Variants in NET1 observed in about 807,000 individuals in gnomAD.
NET1 encodes the protein neuroepithelial cell transforming 1.
NET1 carries 42 observed loss-of-function variants against 61.1 expected under a neutral mutation model. The ratio of observed to expected loss-of-function variants is 0.69; its 90% CI spans 0.54 to 0.89. NET1 has a LOEUF of 0.89. Among genes scored for constraint, NET1 ranks in the 40% least tolerant of loss-of-function variants. The pLI, the probability that NET1 is intolerant of heterozygous loss-of-function variation, is 0.00. For synonymous variants in NET1, 254 were observed against 281.8 expected (o/e 0.90, Z 0.99); for missense variants, 654 against 747.3 (o/e 0.88, Z 1.46).
chr10:5,430,650 C>G (rs557349516), intron 3 of NET1, among the ~76,000 whole-genome samples: 1 of 151,978 alleles, frequency 6.6e-6, no homozygotes, highest in Non-Finnish European at 1.5e-5. Flanking sequence ...GTCACCATGC[C>G]GGACCTTAGA....
At position 5,437,519 on chromosome 10, in the gene NET1, T is replaced by A. The variant is rs1832455903; in HGVS notation, c.255+8290T>A. ...AGGAGGGACCATGTTTGTGTCTCTA[T>A]TATAGATGTTTAGAAGTGGGTTGCA... On this transcript the variant is annotated intron_variant, in intron 3 of 11. Coordinates refer to ENST00000355029, the MANE Select transcript of NET1 (RefSeq NM_001047160.3). This position sits in a 1 kb window ranked among gnomAD's most constrained non-coding sequence, Gnocchi z 4.3. 1.3e-5 allele frequency among the ~76,000 whole-genome samples: 2 copies of A among 152,216 alleles called. No homozygotes were observed. Among genetic ancestry groups the A allele is most frequent in the Admixed American group, 6.5e-5 (1 of 15,270 alleles).
At chr10:5,432,227 A>T (rs1027914260) in intron 3 of NET1, among the ~76,000 whole-genome samples, 1 of 152,242 alleles carries the variant, frequency 6.6e-6, no homozygotes, top group African/African-American at 2.4e-5. Flanking sequence ...ATATAATTTT[A>T]GAAAAACAAA....
At chr10:5,433,967 C>G (rs994881991) in intron 3 of NET1, among the ~76,000 whole-genome samples, 2 of 151,904 alleles carry the variant, frequency 1.3e-5, no homozygotes, top group African/African-American at 4.8e-5. Context: ...CATTTCAATT[C>G]CTTCTCCAGT....
At chr10:5,429,866 T>C (rs1192339637) in intron 3 of NET1, among the ~76,000 whole-genome samples, 1 of 149,660 alleles carries the variant, frequency 6.7e-6, no homozygotes, top group Non-Finnish European at 1.5e-5. Context: ...ATCTTGGTTT[T>C]GGAGAGTCTT....
intron 3 of NET1, 118 bp downstream of exon 3, chr10:5,429,347 A>G: frequency 1.4e-6 from 1 of 717,976 alleles, no homozygotes; most frequent in Non-Finnish European, 2.3e-6. Context: ...TGTTTTTTGC[A>G]TTTTGTAAGT....
In NET1 at chr10:5,452,269, C is replaced by T; in HGVS notation, c.364-89C>T. 8.4e-7 allele frequency: 1 copy of T among 1,184,186 alleles called. No homozygotes were observed. The highest frequency in any genetic ancestry group is 1.6e-5 in the African/African-American group (1 of 64,506). 73.4% of individuals were successfully genotyped at this position (1,184,186 alleles called of 1,614,324 possible). ...CATTGAGAAATTCTCAGAACTTTGT[C>T]TTTCTTCACTTTAAAAAAAAAGAAA... On this transcript the variant is annotated intron_variant, in intron 4 of 11. Transcript: ENST00000355029. The surrounding 1 kb of genome is among the most constrained non-coding windows in gnomAD (Gnocchi z 4.0).
chr10:5,455,085 G>A lies in NET1; in HGVS notation c.1164G>A (p.Leu388=), dbSNP rs2082556949. ...GAATCGAAGCGAGCAAAGTGCTGCTGTGCCATGGGGAGCTGCGGAGCAAGA... is the reference window on the plus strand; with the variant it reads ...GAATCGAAGCGAGCAAAGTGCTGCTATGCCATGGGGAGCTGCGGAGCAAGA... ...DPRIEASKVL[L]CHGELRSKSG... is the part of the protein sequence containing the mutation. The change falls in exon 10 of 12, where the codon CTG becomes CTA. Residue 388 remains leucine (L), a synonymous_variant. Coordinates refer to ENST00000355029, the MANE Select transcript of NET1 (RefSeq NM_001047160.3). The surrounding 1 kb of genome is among the most constrained non-coding windows in gnomAD (Gnocchi z 6.5). 6.2e-7 allele frequency: 1 copy of A among 1,613,862 alleles called. No homozygotes were observed. Among genetic ancestry groups the A allele is most frequent in the Non-Finnish European group, 8.5e-7 (1 of 1,180,030 alleles).
rs1037617231 is a variant in NET1 at position 5,458,418 on chromosome 10, G to A, written c.*1424G>A. The A allele has an allele frequency of 2.0e-5, 3 of 151,600 alleles. No homozygotes were observed. The highest frequency in any genetic ancestry group is 4.4e-5 in the Non-Finnish European group (3 of 67,914). The allele number at this position is 151,600 out of a possible 1,614,324, so 9.4% of individuals were successfully genotyped here. A position where few individuals can be genotyped will look rare whatever the true frequency, so the allele number is the denominator to read the frequency against. On this transcript the variant is annotated 3_prime_UTR_variant, in exon 12 of 12. Transcript: ENST00000355029. The surrounding 1 kb of genome is among the most constrained non-coding windows in gnomAD (Gnocchi z 4.5). ...ATAGATCCATCCAAATGATTTCTCT[G>A]TACAAATGAATGATACTATTAAAAA...
chr10:5,434,902 C>T (rs1437336769), intron 3 of NET1, among the ~76,000 whole-genome samples: 1 of 152,116 alleles, frequency 6.6e-6, no homozygotes, highest in East Asian at 1.9e-4. Flanking sequence ...TTAATATCCT[C>T]ATCTGCATCT....
chr10:5,446,444 C>A lies in NET1; in HGVS notation c.256-5386C>A. The A allele has an allele frequency of 2.5e-6, 1 of 400,810 alleles. No homozygotes were observed. The highest frequency in any genetic ancestry group is 3.4e-6 in the Non-Finnish European group (1 of 295,238). The allele number at this position is 400,810 out of a possible 1,614,324, so 24.8% of individuals were successfully genotyped here. A position where few individuals can be genotyped will look rare whatever the true frequency, so the allele number is the denominator to read the frequency against. On this transcript the variant is annotated intron_variant, in intron 3 of 11. Coordinates refer to ENST00000355029, the MANE Select transcript of NET1 (RefSeq NM_001047160.3). This position sits in a 1 kb window ranked among gnomAD's most constrained non-coding sequence, Gnocchi z 5.0. ...ATCAGGAAGAGAAGTTTCTGTCCTACTTGAACCCAGCTTCACTCTCCTCCT... is the reference window on the plus strand; with the variant it reads ...ATCAGGAAGAGAAGTTTCTGTCCTAATTGAACCCAGCTTCACTCTCCTCCT...
In NET1 at chr10:5,416,960, G is replaced by A. The variant is rs1457108002; in HGVS notation, c.128+4140G>A. Among the ~76,000 whole-genome samples the A allele has an allele frequency of 1.3e-5, 2 of 152,200 alleles. No homozygotes were observed. The highest frequency in any genetic ancestry group is 4.8e-5 in the African/African-American group (2 of 41,458). On this transcript the variant is annotated intron_variant, in intron 1 of 11. Transcript: ENST00000355029. The surrounding 1 kb of genome is among the most constrained non-coding windows in gnomAD (Gnocchi z 6.1). ...GACAGGGGGCCTTCTGTATCCCAGG[G>A]TTCTTGCCTTGATGTACTGGAACAA... is the stretch of plus-strand genomic sequence containing the variant.
Position 5,442,744 on chromosome 10 carries a change from A to T in NET1, c.256-9086A>T, listed in dbSNP as rs542515183. 5.1e-4 allele frequency among the ~76,000 whole-genome samples: 77 copies of T among 152,192 alleles called. 1 individual carries two copies. The highest frequency in any genetic ancestry group is 2.2e-4 in the Non-Finnish European group (15 of 67,998). On this transcript the variant is annotated intron_variant, in intron 3 of 11. Coordinates refer to ENST00000355029, the MANE Select transcript of NET1 (RefSeq NM_001047160.3). ...ACCCCATCTCTACTAACATTACAAA[A>T]ATTAGCCAGGCGTGATGGCACACTC...
chr10:5,435,558 TAGATA>T lies in NET1; in HGVS notation c.255+6331_255+6335del, dbSNP rs1832417739. Among the ~76,000 whole-genome samples the T allele has an allele frequency of 7.5e-6, 1 of 133,056 alleles. No individual in the cohort carries two copies. The highest frequency in any genetic ancestry group is 2.7e-5 in the African/African-American group (1 of 37,152). The allele number at this position is 133,056 out of a possible 152,430, so 87.3% of individuals were successfully genotyped here. ...ACAGACAGACAGATAGATAGATAGA[TAGATA>T]AAATAGATACTCCGTAAATATTGAA... On this transcript the variant is annotated intron_variant, in intron 3 of 11. Transcript: ENST00000355029. The surrounding 1 kb of genome is among the most constrained non-coding windows in gnomAD (Gnocchi z 5.0).
rs754654538 is a variant in NET1 at position 5,412,794 on chromosome 10, C to G, written c.102C>G (p.Asp34Glu). The stretch of plus-strand genomic sequence containing the variant: ...AGGGAGCGACGGGGCCTTCGGCCGA[C>G]ACCTCCGGGTCGGAGCTGGACGGGA... ...STEGATGPSA[D>E]TSGSELDGRC... The change falls in exon 1 of 12, where the codon GAC becomes GAG. Residue 34 changes from aspartate (D) to glutamate (E), a missense_variant. By Grantham distance (45) the Asp-to-Glu change is conservative (BLOSUM62 2). Transcript: ENST00000355029. This position sits in a 1 kb window ranked among gnomAD's most constrained non-coding sequence, Gnocchi z 6.5. The G allele has an allele frequency of 6.9e-7, 1 of 1,451,268 alleles. No individual in the cohort carries two copies. Among genetic ancestry groups the G allele is most frequent in the Non-Finnish European group, 9.0e-7 (1 of 1,105,984 alleles). The allele number at this position is 1,451,268 out of a possible 1,614,324, so 89.9% of individuals were successfully genotyped here.
chr10:5,451,510 T>TA lies in NET1; in HGVS notation c.256-320_256-319insA, dbSNP rs377095022. On this transcript the variant is annotated intron_variant, in intron 3 of 11. Transcript: ENST00000355029. The surrounding 1 kb of genome is among the most constrained non-coding windows in gnomAD (Gnocchi z 6.1). ...ATTTTCATAACAATAAGGCTTTTTTTTAAAAAAAAAAAAAGTTATTCCCTG... is the reference window on the plus strand; with the variant it reads ...ATTTTCATAACAATAAGGCTTTTTTTATAAAAAAAAAAAAAGTTATTCCCTG... Among the ~76,000 whole-genome samples, 269 of 135,118 alleles carry TA rather than the reference T, an allele frequency of 2.0e-3. 4 individuals are homozygous for TA. Among genetic ancestry groups the TA allele is most frequent in the Admixed American group, 0.017 (229 of 13,170 alleles). 88.6% of individuals were successfully genotyped at this position (135,118 alleles called of 152,430 possible).
rs1832788222 is a variant in NET1 at position 5,455,865 on chromosome 10, CA to C, written c.1198-220del. 6.6e-6 allele frequency among the ~76,000 whole-genome samples: 1 copy of C among 152,112 alleles called. No individual in the cohort carries two copies. The highest frequency in any genetic ancestry group is 1.5e-5 in the Non-Finnish European group (1 of 68,032). ...TGCTGCTTAATCTGATATTACATAC[CA>C]ATAAGAAACATTTTATTTATTCTGA... On this transcript the variant is annotated intron_variant, in intron 10 of 11. Transcript: ENST00000355029. The surrounding 1 kb of genome is among the most constrained non-coding windows in gnomAD (Gnocchi z 6.5).
rs559509124 is a variant in NET1, at chr10:5,420,682, G to A, written c.129-5973G>A. On this transcript the variant is annotated intron_variant, in intron 1 of 11. Transcript: ENST00000355029. This position sits in a 1 kb window ranked among gnomAD's most constrained non-coding sequence, Gnocchi z 5.3. ...GCGATCTCGGCTCACTGTAGCCTCC[G>A]ACTCCCTGGTTCAAGTGATCCTCCT... Among the ~76,000 whole-genome samples, 7 of 152,130 alleles carry A rather than the reference G, an allele frequency of 4.6e-5. No homozygotes were observed. The highest frequency in any genetic ancestry group is 4.2e-4 in the South Asian group (2 of 4,808).
chr10:5,418,857 A>G (rs1564457411), intron 1 of NET1, among the ~76,000 whole-genome samples: 1 of 152,188 alleles, frequency 6.6e-6, no homozygotes, highest in Non-Finnish European at 1.5e-5. Context: ...AAATTTTGAT[A>G]TATTGTGTCT....
rs1832175958 is a variant in NET1, at chr10:5,421,655, T to C, written c.129-5000T>C. Among the ~76,000 whole-genome samples, 1 of 152,222 alleles carries C rather than the reference T, an allele frequency of 6.6e-6. No individual in the cohort carries two copies. The highest frequency in any genetic ancestry group is 2.1e-4 in the South Asian group (1 of 4,832). On this transcript the variant is annotated intron_variant, in intron 1 of 11. Coordinates refer to ENST00000355029, the MANE Select transcript of NET1 (RefSeq NM_001047160.3). This position sits in a 1 kb window ranked among gnomAD's most constrained non-coding sequence, Gnocchi z 4.2. ...TGTTTTTAAATAGTTTATTGAGATA[T>C]GATTTGTATATCATAACATTCACCC...
Sources: gnomAD v4.1 joint callset for allele counts (sites outside exome capture counted in the v4.1 genomes callset) on GRCh38, gnomAD v4.1.1 for gene constraint, Gnocchi (gnomAD v3.1) non-coding constraint, MANE v1.5 for transcripts, NCBI Gene and HGNC (gene_info 2026-07-23, HGNC 2026-07-21) for gene names.